TMCO4: variants seen among roughly 807,000 people sequenced by gnomAD.
TMCO4 encodes the protein transmembrane and coiled-coil domains 4.
A neutral mutation model predicts 64.7 loss-of-function variants in TMCO4; 58 were observed. The ratio of observed to expected loss-of-function variants is 0.90; its 90% CI spans 0.73 to 1.12. The LOEUF (loss-of-function observed/expected upper bound fraction) is 1.12. Among genes scored for constraint, TMCO4 ranks in the 50% most tolerant of loss-of-function variants. The pLI is 0.00. For synonymous variants in TMCO4, 325 were observed against 346.1 expected (o/e 0.94, Z 0.68); for missense variants, 780 against 825.9 (o/e 0.94, Z 0.68).
chr1:19,708,127 C>A (rs1461533249), intron 13 of TMCO4, among the ~76,000 whole-genome samples: 3 of 152,072 alleles, frequency 2.0e-5, no homozygotes, highest in Non-Finnish European at 4.4e-5. Context: ...TTTGGGACAG[C>A]CTAGTTTTGT....
chr1:19,734,304 G>A lies in TMCO4; in HGVS notation c.1264+3068C>T, dbSNP rs2095443331. On this transcript the variant is annotated intron_variant, in intron 13 of 15. Coordinates refer to ENST00000294543, the MANE Select transcript of TMCO4 (RefSeq NM_181719.7). The surrounding 1 kb of genome is among the most constrained non-coding windows in gnomAD (Gnocchi z 4.4). The stretch of plus-strand genomic sequence containing the variant: ...TCCACACTGATCTAGAGAACAGCAG[G>A]GGCATTAGAGGCCCTTGGGGTCTGC... Among the ~76,000 whole-genome samples the A allele has an allele frequency of 6.6e-6, 1 of 152,178 alleles. No homozygotes were observed. The highest frequency in any genetic ancestry group is 1.9e-4 in the East Asian group (1 of 5,200).
chr1:19,793,330 G>A (rs914955391), intron 2 of TMCO4, among the ~76,000 whole-genome samples: 5 of 152,126 alleles, frequency 3.3e-5, no homozygotes, highest in African/African-American at 1.2e-4. Context: ...AGAAAGAAAA[G>A]CATTTGGCTA....
intron 13 of TMCO4, among the ~76,000 whole-genome samples, chr1:19,708,070 G>A (rs1296227114): frequency 1.3e-5 from 2 of 152,124 alleles, no homozygotes; most frequent in Non-Finnish European, 2.9e-5. Context: ...GGGACACAGA[G>A]CCAAACCATA....
chr1:19,688,481 T>C (rs1224708927), intron 15 of TMCO4, among the ~76,000 whole-genome samples: 1 of 152,174 alleles, frequency 6.6e-6, no homozygotes, highest in East Asian at 1.9e-4. Flanking sequence ...TTTCACTTCT[T>C]GGACCTCAAT....
rs1199553153 is a variant in TMCO4, at chr1:19,732,019, G to A, written c.1264+5353C>T. 2.0e-5 allele frequency among the ~76,000 whole-genome samples: 3 copies of A among 152,260 alleles called. No homozygotes were observed. In the East Asian group the frequency reaches 5.8e-4, roughly 29 times the overall value. ...CCCGTCCAGCTGGAGCTGCTGTGAA[G>A]GCCGGCATGGACAGCGGGGGTTTTA... On this transcript the variant is annotated intron_variant, in intron 13 of 15. Coordinates refer to ENST00000294543, the MANE Select transcript of TMCO4 (RefSeq NM_181719.7). This position sits in a 1 kb window ranked among gnomAD's most constrained non-coding sequence, Gnocchi z 4.8.
At chr1:19,736,947 C>T (rs1306559849) in intron 13 of TMCO4, among the ~76,000 whole-genome samples, 2 of 152,130 alleles carry the variant, frequency 1.3e-5, no homozygotes, top group African/African-American at 2.4e-5. Context: ...AGACAACAGG[C>T]AGAGACTGGA....
intron 13 of TMCO4, among the ~76,000 whole-genome samples, chr1:19,706,506 T>C (rs1407147157): frequency 1.3e-5 from 2 of 152,214 alleles, no homozygotes; most frequent in Admixed American, 6.6e-5. Context: ...AGACTTTTTA[T>C]GTAAAAGAGG....
At chr1:19,746,621 C>T in intron 8 of TMCO4, 22 bp from the exon 9 acceptor site, 1 of 1,591,646 alleles carries the variant, frequency 6.3e-7, no homozygotes, top group Non-Finnish European at 8.6e-7. Flanking sequence ...GCAGCAGTTT[C>T]AGGTGGGAGT....
At chr1:19,760,608 C>T (rs2042455789) in intron 6 of TMCO4, among the ~76,000 whole-genome samples, 1 of 152,200 alleles carries the variant, frequency 6.6e-6, no homozygotes, top group African/African-American at 2.4e-5. Flanking sequence ...CAGCAATCCA[C>T]ACACCTTTGC....
chr1:19,751,830 C>T (rs1016757456), intron 7 of TMCO4, among the ~76,000 whole-genome samples: 11 of 152,024 alleles, frequency 7.2e-5, no homozygotes, highest in Non-Finnish European at 4.4e-5. Context: ...GGGTGGATCA[C>T]GAGGTCAGGA....
chr1:19,746,365 A>G (rs2041780892), intron 9 of TMCO4, 91 bp downstream of exon 9: 1 of 1,546,512 alleles, frequency 6.5e-7, no homozygotes, highest in African/African-American at 1.4e-5. Context: ...CCAGGGAGTC[A>G]CTGCTGGTGA....
At chr1:19,749,693 G>A (rs1054860643) in intron 7 of TMCO4, among the ~76,000 whole-genome samples, 10 of 152,126 alleles carry the variant, frequency 6.6e-5, no homozygotes, top group Admixed American at 1.3e-4. Context: ...TAAAGCCAGT[G>A]CAGGAAAGTG....
Position 19,734,617 on chromosome 1 carries a change from C to A in TMCO4, c.1264+2755G>T, listed in dbSNP as rs115240273. On this transcript the variant is annotated intron_variant, in intron 13 of 15. Coordinates refer to ENST00000294543, the MANE Select transcript of TMCO4 (RefSeq NM_181719.7). This position sits in a 1 kb window ranked among gnomAD's most constrained non-coding sequence, Gnocchi z 4.4. Reference sequence around the variant, plus strand: ...ACCAACCCACCTGGGGGGCCTCTTACGTGGGCTGCAGAGACACCAGATGCC... The same window carrying A: ...ACCAACCCACCTGGGGGGCCTCTTAAGTGGGCTGCAGAGACACCAGATGCC... 1.4e-4 allele frequency among the ~76,000 whole-genome samples: 21 copies of A among 152,184 alleles called. No individual in the cohort carries two copies. Among genetic ancestry groups the A allele is most frequent in the Admixed American group, 3.3e-4 (5 of 15,298 alleles).
rs2041832359 is a variant in TMCO4 at position 19,747,185 on chromosome 1, A to C, written c.591T>G (p.Thr197=). 4 of 1,614,016 alleles carry C rather than the reference A, an allele frequency of 2.5e-6. No homozygotes were observed. The highest frequency in any genetic ancestry group is 3.4e-6 in the Non-Finnish European group (4 of 1,179,954). The part of the protein sequence containing the change: ...WKRYLLIGLA[T]VGGGTVIGVT... Reference sequence around the variant, plus strand: ...CACCGATCACCGTTCCGCCTCCGACAGTCGCCAGGCCTATCAGGAGATAAC... The same window carrying C: ...CACCGATCACCGTTCCGCCTCCGACCGTCGCCAGGCCTATCAGGAGATAAC... The change falls in exon 8 of 16, where the codon ACT becomes ACG. Residue 197 remains threonine, a synonymous_variant. Coordinates refer to ENST00000294543, the MANE Select transcript of TMCO4 (RefSeq NM_181719.7).
chr1:19,795,524 T>C (rs904453054), intron 2 of TMCO4, among the ~76,000 whole-genome samples: 1 of 151,982 alleles, frequency 6.6e-6, no homozygotes, highest in Admixed American at 6.6e-5. Flanking sequence ...AATTTAAACA[T>C]TTAAAAATCA....
intron 15 of TMCO4, among the ~76,000 whole-genome samples, chr1:19,692,578 A>G (rs1405238012): frequency 4.1e-5 from 6 of 146,304 alleles, no homozygotes; most frequent in African/African-American, 1.3e-4. Context: ...AAAAATACAA[A>G]AAAAAAAAAA....
At chr1:19,722,986 G>C (rs1449224017) in intron 13 of TMCO4, among the ~76,000 whole-genome samples, 2 of 152,136 alleles carry the variant, frequency 1.3e-5, no homozygotes, top group African/African-American at 4.8e-5. Context: ...GACACTGATG[G>C]GACACATGTA....
chr1:19,760,204 T>C (rs942744431), intron 6 of TMCO4, among the ~76,000 whole-genome samples: 1 of 152,118 alleles, frequency 6.6e-6, no homozygotes, highest in African/African-American at 2.4e-5. Flanking sequence ...TCTTGCTATG[T>C]TGCCCAGGCT....
chr1:19,747,384 A>C lies in TMCO4; in HGVS notation c.516-124T>G. ...GCTACTCTGCCACTCAGAGTAAGGC[A>C]CCAAAGTCACCTTGAGCCCACTGAT... On this transcript the variant is annotated intron_variant, in intron 7 of 15. Coordinates refer to ENST00000294543, the MANE Select transcript of TMCO4 (RefSeq NM_181719.7). 3.7e-6 allele frequency: 3 copies of C among 812,062 alleles called. No individual in the cohort carries two copies. The South Asian group carries it at 4.3e-5, about 12-fold the overall frequency. The allele number at this position is 812,062 out of a possible 1,614,324, so 50.3% of individuals were successfully genotyped here. A position where few individuals can be genotyped will look rare whatever the true frequency, so the allele number is the denominator to read the frequency against.
Sources: gnomAD v4.1 joint callset for allele counts (sites outside exome capture counted in the v4.1 genomes callset) on GRCh38, gnomAD v4.1.1 for gene constraint, Gnocchi (gnomAD v3.1) non-coding constraint, MANE v1.5 for transcripts, NCBI Gene and HGNC (gene_info 2026-07-23, HGNC 2026-07-21) for gene names.